Variants in AKAP19 observed in about 807,000 individuals in gnomAD.
AKAP19 encodes A-kinase anchoring protein 19, also known as small A-kinase anchoring protein.
chr2:190,054,977 G>A, the AKAP19 span, among the ~76,000 whole-genome samples: 1 of 152,130 alleles, frequency 6.6e-6, no homozygotes, highest in Admixed American at 6.5e-5. Context: ...CCCATTACTG[G>A]GTGTGTACCC....
chr2:189,922,794 C>A, the AKAP19 span, among the ~76,000 whole-genome samples: 3 of 152,104 alleles, frequency 2.0e-5, no homozygotes, highest in Non-Finnish European at 4.4e-5. Flanking sequence ...AAAGTACTGT[C>A]TATATAGTGT....
At chr2:189,976,279 G>T in the AKAP19 span, among the ~76,000 whole-genome samples, 1 of 152,214 alleles carries the variant, frequency 6.6e-6, no homozygotes, top group Non-Finnish European at 1.5e-5. Context: ...GGCAGCAGAG[G>T]CTGCAGAACA....
At chr2:190,092,866 A>G in the AKAP19 span, among the ~76,000 whole-genome samples, 4 of 152,192 alleles carry the variant, frequency 2.6e-5, no homozygotes. Flanking sequence ...AGGAGTAGGT[A>G]TTAAAACTAG....
At chr2:190,127,036 T>C in the AKAP19 span, among the ~76,000 whole-genome samples, 4 of 152,070 alleles carry the variant, frequency 2.6e-5, no homozygotes, top group African/African-American at 9.7e-5. Context: ...AAGAGGGATG[T>C]AGAGCTGTAA....
chr2:190,126,734 G>T, the AKAP19 span, among the ~76,000 whole-genome samples: 3 of 151,926 alleles, frequency 2.0e-5, no homozygotes, highest in Non-Finnish European at 2.9e-5. Context: ...CAAAATTACA[G>T]ATTTGGGGAG....
chr2:189,987,732 G>T, the AKAP19 span, among the ~76,000 whole-genome samples: 1 of 152,180 alleles, frequency 6.6e-6, no homozygotes. Context: ...AGATCAAGGG[G>T]ATCTTTATAA....
the AKAP19 span, among the ~76,000 whole-genome samples, chr2:190,100,693 T>G: frequency 6.6e-6 from 1 of 152,198 alleles, no homozygotes; most frequent in Non-Finnish European, 1.5e-5. Flanking sequence ...TAGAAATTTT[T>G]TTTTCCAAGA....
the AKAP19 span, among the ~76,000 whole-genome samples, chr2:190,075,828 C>G: frequency 6.6e-6 from 1 of 151,930 alleles, no homozygotes; most frequent in Non-Finnish European, 1.5e-5. Context: ...AGATTATTTA[C>G]ATTTAATGTA....
chr2:190,163,494 A>G, the AKAP19 span, among the ~76,000 whole-genome samples: 2 of 152,104 alleles, frequency 1.3e-5, no homozygotes, highest in Admixed American at 6.6e-5. Flanking sequence ...GTGATTTACA[A>G]ATCTGAGGTC....
At chr2:190,048,658 C>A in the AKAP19 span, among the ~76,000 whole-genome samples, 1 of 152,200 alleles carries the variant, frequency 6.6e-6, no homozygotes, top group Non-Finnish European at 1.5e-5. Context: ...CCCAAGGCAA[C>A]TTGGAAGTGT....
chr2:190,000,059 C>T, the AKAP19 span, among the ~76,000 whole-genome samples: 1 of 152,188 alleles, frequency 6.6e-6, no homozygotes, highest in Non-Finnish European at 1.5e-5. Context: ...GGAACTAAGA[C>T]ACCTTTGGAA....
At chr2:189,993,739 G>T in the AKAP19 span, among the ~76,000 whole-genome samples, 1 of 152,006 alleles carries the variant, frequency 6.6e-6, no homozygotes, top group East Asian at 1.9e-4. Flanking sequence ...ATCTAGGAGG[G>T]TTGCATATTT....
chr2:190,028,987 C>T, the AKAP19 span, among the ~76,000 whole-genome samples: 1 of 151,796 alleles, frequency 6.6e-6, no homozygotes, highest in Non-Finnish European at 1.5e-5. Context: ...CCCATAGTAC[C>T]ATAGGTAGGA....
the AKAP19 span, among the ~76,000 whole-genome samples, chr2:190,146,488 A>G: frequency 6.6e-6 from 1 of 152,188 alleles, no homozygotes; most frequent in Admixed American, 6.5e-5. Flanking sequence ...TTTTTGAATT[A>G]TGACTTATTT....
At chr2:189,921,961 T>C in the AKAP19 span, among the ~76,000 whole-genome samples, 1 of 152,280 alleles carries the variant, frequency 6.6e-6, no homozygotes, top group South Asian at 2.1e-4. Context: ...AAATAGAGAA[T>C]TTAAAATGAA....
At chr2:189,909,267 CTT>C in the AKAP19 span, among the ~76,000 whole-genome samples, 1 of 151,246 alleles carries the variant, frequency 6.6e-6, no homozygotes, top group Non-Finnish European at 1.5e-5. Context: ...GAGCAAGTCT[CTT>C]GTAGGCAGCT....
the AKAP19 span, among the ~76,000 whole-genome samples, chr2:190,026,956 G>A: frequency 1.3e-5 from 2 of 152,140 alleles, no homozygotes; most frequent in African/African-American, 4.8e-5. Context: ...GTTTTAAAAA[G>A]TAGGATAAAT....
At chr2:190,077,359 G>A in the AKAP19 span, among the ~76,000 whole-genome samples, 2 of 151,700 alleles carry the variant, frequency 1.3e-5, no homozygotes, top group African/African-American at 4.8e-5. Context: ...ACAGGTGCCT[G>A]CCACCACACC....
chr2:190,174,289 T>A, the AKAP19 span, among the ~76,000 whole-genome samples: 170 of 152,336 alleles, frequency 1.1e-3, no homozygotes, highest in African/African-American at 3.9e-3. Context: ...CTGTTTTCAC[T>A]TGGTGGCACT....
Sources: allele counts gnomAD v4.1 joint callset (sites outside exome capture counted in the v4.1 genomes callset), GRCh38; gene constraint gnomAD v4.1.1; transcripts MANE v1.5; gene names NCBI Gene and HGNC (gene_info 2026-07-23, HGNC 2026-07-21).